The following CDH12 variants were observed in gnomAD, a reference collection of about 807,000 sequenced individuals.
CDH12 encodes cadherin 12.
In CDH12, 41 loss-of-function variants were observed where a neutral mutation model predicts 74.1. The observed-to-expected ratio is 0.55, with a 90% CI of 0.43 to 0.72. The LOEUF is 0.72. CDH12 is among the 30% of genes least tolerant of loss of function. The pLI is 0.00. For missense variants in CDH12, 945 were observed against 977.2 expected (o/e 0.97, Z 0.44); for synonymous variants, 399 against 355.0 (o/e 1.12, Z -1.39).
At chr5:22,401,337 T>C (rs1478501687) in intron 3 of CDH12, among the ~76,000 whole-genome samples, 1 of 152,206 alleles carries the variant, frequency 6.6e-6, no homozygotes, top group Non-Finnish European at 1.5e-5. Flanking sequence ...ACCTACTTTT[T>C]ATTTCTATAG....
At position 22,712,278 on chromosome 5, in the gene CDH12, G is replaced by A. The variant is rs138922764; in HGVS notation, c.-523+140780C>T. Among the ~76,000 whole-genome samples, 44 of 152,068 alleles carry A rather than the reference G, an allele frequency of 2.9e-4. No homozygotes were observed. The East Asian group carries it at 4.8e-3, about 17-fold the overall frequency. On this transcript the variant is annotated intron_variant, in intron 1 of 14. Coordinates refer to ENST00000382254, the MANE Select transcript of CDH12 (RefSeq NM_004061.5). ...TTTAAATATGCTTTGACATAAAAAA[G>A]TGATCTCAAACACTTCTGCTCCCAA...
intron 3 of CDH12, among the ~76,000 whole-genome samples, chr5:22,359,716 T>C (rs929403501): frequency 2.6e-5 from 4 of 152,032 alleles, no homozygotes; most frequent in African/African-American, 9.7e-5. Context: ...AGAATAGAAA[T>C]TATAACAAAC....
At chr5:22,473,177 T>C (rs1746037451) in intron 2 of CDH12, among the ~76,000 whole-genome samples, 1 of 152,086 alleles carries the variant, frequency 6.6e-6, no homozygotes, top group Non-Finnish European at 1.5e-5. Context: ...TGACTCAATT[T>C]CTCACTTAAA....
chr5:22,096,444 T>C (rs1198484577), intron 4 of CDH12, among the ~76,000 whole-genome samples: 1 of 151,812 alleles, frequency 6.6e-6, no homozygotes, highest in African/African-American at 2.4e-5. Context: ...TGTTGCTGAG[T>C]CTTTCTAATC....
At chr5:22,848,697 G>T (rs1302743341) in intron 1 of CDH12, among the ~76,000 whole-genome samples, 3 of 152,100 alleles carry the variant, frequency 2.0e-5, no homozygotes, top group Non-Finnish European at 4.4e-5. Flanking sequence ...TTTTCAAAGA[G>T]AATTTCTTCA....
Position 22,187,774 on chromosome 5 carries a change from T to G in CDH12, c.-187+24724A>C, listed in dbSNP as rs139807040. Among the ~76,000 whole-genome samples the G allele has an allele frequency of 5.9e-5, 9 of 152,234 alleles. No homozygotes were observed. The East Asian group carries it at 1.5e-3, about 26-fold the overall frequency. ...AAGCAGTGCCAAGCTTTATCACTTA[T>G]GAGTTCATGTCTTACAGCTGAGGCA... On this transcript the variant is annotated intron_variant, in intron 4 of 14. Coordinates refer to ENST00000382254, the MANE Select transcript of CDH12 (RefSeq NM_004061.5).
At chr5:21,900,186 C>T (rs1038776449) in intron 6 of CDH12, among the ~76,000 whole-genome samples, 1 of 152,060 alleles carries the variant, frequency 6.6e-6, no homozygotes, top group Admixed American at 6.6e-5. Context: ...ATTCATGAAT[C>T]CCAGAGCATA....
intron 4 of CDH12, among the ~76,000 whole-genome samples, chr5:22,119,372 C>A (rs975774785): frequency 1.3e-5 from 2 of 150,054 alleles, no homozygotes; most frequent in African/African-American, 2.5e-5. Flanking sequence ...CTTACTGCAA[C>A]CTCTGCCTCC....
At chr5:22,512,526 G>T (rs1390299010) in intron 1 of CDH12, among the ~76,000 whole-genome samples, 1 of 152,110 alleles carries the variant, frequency 6.6e-6, no homozygotes, top group African/African-American at 2.4e-5. Flanking sequence ...AATTCATGAG[G>T]TCATTTCAGC....
chr5:22,321,929 G>A lies in CDH12; in HGVS notation c.-333+83328C>T, dbSNP rs188891122. ...AGTAAAATTTCAGACCAAAATCTGTGTCTCTAATCTTGATAGAACAATTGA... is the reference window on the plus strand; with the variant it reads ...AGTAAAATTTCAGACCAAAATCTGTATCTCTAATCTTGATAGAACAATTGA... On this transcript the variant is annotated intron_variant, in intron 3 of 14. Transcript: ENST00000382254. Among the ~76,000 whole-genome samples, 392 of 152,234 alleles carry A rather than the reference G, an allele frequency of 2.6e-3. 2 individuals are homozygous for A. The highest frequency in any genetic ancestry group is 9.2e-3 in the African/African-American group (384 of 41,552).
At chr5:22,666,659 C>T (rs543627002) in intron 1 of CDH12, among the ~76,000 whole-genome samples, 32 of 152,106 alleles carry the variant, frequency 2.1e-4, no homozygotes, top group South Asian at 1.2e-3. Context: ...GCAAGAGTCC[C>T]GTAATTTGGT....
chr5:22,642,787 C>A (rs1314368023), intron 1 of CDH12, among the ~76,000 whole-genome samples: 2 of 151,906 alleles, frequency 1.3e-5, no homozygotes, highest in Non-Finnish European at 2.9e-5. Context: ...TAAAGTGAAA[C>A]AATTATATAA....
chr5:21,996,453 G>A lies in CDH12; in HGVS notation c.232-21068C>T, dbSNP rs573828145. Reference sequence around the variant, plus strand: ...ACTAGGAACTTCCTTAGAGAACATTGTTTCAATTACTTCATTTCACAAATG... The same window carrying A: ...ACTAGGAACTTCCTTAGAGAACATTATTTCAATTACTTCATTTCACAAATG... On this transcript the variant is annotated intron_variant, in intron 5 of 14. Coordinates refer to ENST00000382254, the MANE Select transcript of CDH12 (RefSeq NM_004061.5). Among the ~76,000 whole-genome samples, 10 of 152,286 alleles carry A rather than the reference G, an allele frequency of 6.6e-5. No individual in the cohort carries two copies. In the South Asian group the frequency reaches 2.1e-3, roughly 32 times the overall value.
At chr5:22,712,042 C>T (rs1172795756) in intron 1 of CDH12, among the ~76,000 whole-genome samples, 9 of 151,898 alleles carry the variant, frequency 5.9e-5, no homozygotes, top group African/African-American at 2.2e-4. Context: ...ATGTCTATTC[C>T]TACATTAATA....
At chr5:21,757,888 C>G (rs995604867) in intron 13 of CDH12, among the ~76,000 whole-genome samples, 32 of 152,122 alleles carry the variant, frequency 2.1e-4, no homozygotes, top group African/African-American at 7.5e-4. Flanking sequence ...CTTATCAATT[C>G]TATTTCCATC....
At chr5:21,929,154 C>A (rs556806475) in intron 6 of CDH12, among the ~76,000 whole-genome samples, 5 of 151,960 alleles carry the variant, frequency 3.3e-5, no homozygotes, top group African/African-American at 1.2e-4. Flanking sequence ...CGGTCCCCAA[C>A]CTTTTTGGCA....
chr5:22,162,311 G>C (rs1304422524), intron 4 of CDH12, among the ~76,000 whole-genome samples: 1 of 151,956 alleles, frequency 6.6e-6, no homozygotes, highest in African/African-American at 2.4e-5. Flanking sequence ...CTTCATTTCT[G>C]CCTGCCATGA....
chr5:21,810,413 T>G (rs1747685948), intron 9 of CDH12, among the ~76,000 whole-genome samples: 1 of 152,048 alleles, frequency 6.6e-6, no homozygotes, highest in Non-Finnish European at 1.5e-5. Flanking sequence ...GCAACCAGCC[T>G]TTGTGCCCTA....
intron 4 of CDH12, among the ~76,000 whole-genome samples, chr5:22,118,443 G>C (rs776893989): frequency 1.1e-4 from 17 of 151,834 alleles, no homozygotes; most frequent in African/African-American, 4.1e-4. Context: ...TGTGACTCTG[G>C]CCTAGACTGC....
Sources: gnomAD v4.1 joint callset for allele counts (sites outside exome capture counted in the v4.1 genomes callset) on GRCh38, gnomAD v4.1.1 for gene constraint, MANE v1.5 for transcripts, NCBI Gene and HGNC (gene_info 2026-07-23, HGNC 2026-07-21) for gene names.